RAP1GDS1: variants seen among roughly 807,000 people sequenced by gnomAD.
The protein encoded by RAP1GDS1 is RAP1, GTP-GDP dissociation stimulator 1.
In RAP1GDS1, 35 loss-of-function variants were observed where a neutral mutation model predicts 71.1. The observed-to-expected ratio is 0.49, with a 90% CI of 0.38 to 0.65. The LOEUF (loss-of-function observed/expected upper bound fraction) is 0.65, where lower values mean the gene tolerates loss of function less well. Ranked by LOEUF, RAP1GDS1 falls within the 30% of genes least tolerant of loss-of-function variation. The pLI, the probability that RAP1GDS1 is intolerant of heterozygous loss-of-function variation, is 0.00. For missense variants in RAP1GDS1, 663 were observed against 706.1 expected (o/e 0.94, Z 0.69); for synonymous variants, 229 against 243.1 (o/e 0.94, Z 0.54).
chr4:98,423,839 C>T (rs1433739574), intron 12 of RAP1GDS1, among the ~76,000 whole-genome samples: 1 of 152,156 alleles, frequency 6.6e-6, no homozygotes, highest in Non-Finnish European at 1.5e-5. Context: ...CCACCACACC[C>T]AGCCATTTAG....
At chr4:98,305,968 T>C (rs2110306852) in intron 2 of RAP1GDS1, among the ~76,000 whole-genome samples, 1 of 152,332 alleles carries the variant, frequency 6.6e-6, no homozygotes, top group Non-Finnish European at 1.5e-5. Context: ...GTATTTATAG[T>C]ACCAGTACTG....
rs1335946328 is a variant in RAP1GDS1, at chr4:98,439,129, CA to C, written c.1696+2069del. Among the ~76,000 whole-genome samples, 11 of 151,676 alleles carry C rather than the reference CA, an allele frequency of 7.3e-5. No individual in the cohort carries two copies. In the East Asian group the frequency reaches 1.5e-3, roughly 21 times the overall value. ...ATACTGCTAGCAACAGATTTTTAGC[CA>C]AAAAAAATTTTTTTCATTCATAATG... On this transcript the variant is annotated intron_variant, in intron 14 of 14. Transcript: ENST00000408927.
At chr4:98,402,409 G>C (rs1423013427) in intron 6 of RAP1GDS1, among the ~76,000 whole-genome samples, 1 of 152,056 alleles carries the variant, frequency 6.6e-6, no homozygotes, top group African/African-American at 2.4e-5. Flanking sequence ...GGTGGAGTGT[G>C]CTGACATTTG....
intron 6 of RAP1GDS1, among the ~76,000 whole-genome samples, chr4:98,403,487 G>A (rs1216506530): frequency 3.3e-5 from 5 of 152,050 alleles, no homozygotes; most frequent in Non-Finnish European, 7.4e-5. Flanking sequence ...GAGGAACCCT[G>A]GAGGAGGAAG....
intron 6 of RAP1GDS1, among the ~76,000 whole-genome samples, chr4:98,403,096 C>T (rs967229231): frequency 6.6e-6 from 1 of 152,010 alleles, no homozygotes; most frequent in South Asian, 2.1e-4. Context: ...AGCTTTCTCA[C>T]GACACTGCTG....
At chr4:98,424,622 A>C (rs1749347807) in intron 12 of RAP1GDS1, among the ~76,000 whole-genome samples, 1 of 152,084 alleles carries the variant, frequency 6.6e-6, no homozygotes, top group Non-Finnish European at 1.5e-5. Context: ...TTAGCCAGGC[A>C]TGGTGGCGTG....
At chr4:98,323,336 C>G (rs1187398947) in intron 2 of RAP1GDS1, among the ~76,000 whole-genome samples, 1 of 143,380 alleles carries the variant, frequency 7.0e-6, no homozygotes, top group African/African-American at 2.8e-5. Context: ...CGAATTCTAC[C>G]AGAGGTACAA....
intron 12 of RAP1GDS1, among the ~76,000 whole-genome samples, chr4:98,422,159 C>G (rs1748973293): frequency 6.6e-6 from 1 of 152,060 alleles, no homozygotes; most frequent in Admixed American, 6.5e-5. Flanking sequence ...GAGATTGCAC[C>G]ACTGCACTCC....
intron 1 of RAP1GDS1, among the ~76,000 whole-genome samples, chr4:98,264,389 T>C (rs1722439287): frequency 6.6e-6 from 1 of 151,964 alleles, no homozygotes; most frequent in Admixed American, 6.6e-5. Flanking sequence ...AGAGGGAAAC[T>C]CTGTCTCAAA....
chr4:98,405,874 C>CA (rs1222465406), intron 7 of RAP1GDS1, among the ~76,000 whole-genome samples: 1 of 151,426 alleles, frequency 6.6e-6, no homozygotes, highest in Non-Finnish European at 1.5e-5. Context: ...TTGAATATAT[C>CA]AAAAAAATAA....
At chr4:98,400,447 T>TAA (rs1745216253) in intron 6 of RAP1GDS1, among the ~76,000 whole-genome samples, 1 of 150,852 alleles carries the variant, frequency 6.6e-6, no homozygotes, top group African/African-American at 2.4e-5. Context: ...GACATTATGT[T>TAA]AAGTGAAATA....
rs1286650043 is a variant in RAP1GDS1 at position 98,378,971 on chromosome 4, A to G, written c.362-46A>G. Reference sequence around the variant, plus strand: ...TGTTTTGTATTTGAAATTGTAAGGTACATTTCTTTTTTCTTTTATTTTTAA... The same window carrying G: ...TGTTTTGTATTTGAAATTGTAAGGTGCATTTCTTTTTTCTTTTATTTTTAA... On this transcript the variant is annotated intron_variant, in intron 4 of 14. Coordinates refer to ENST00000408927, the MANE Select transcript of RAP1GDS1 (RefSeq NM_001100427.2). 6 of 1,459,538 alleles carry G rather than the reference A, an allele frequency of 4.1e-6. No individual in the cohort carries two copies. The African/African-American group carries it at 7.4e-5, about 18-fold the overall frequency. The allele number at this position is 1,459,538 out of a possible 1,614,324, so 90.4% of individuals were successfully genotyped here.
intron 2 of RAP1GDS1, among the ~76,000 whole-genome samples, chr4:98,307,839 G>A (rs537922545): frequency 3.1e-4 from 47 of 152,108 alleles, no homozygotes; most frequent in East Asian, 5.8e-4. Context: ...AACTAAAGCC[G>A]ACTTACTGTA....
At chr4:98,401,459 A>G (rs959209507) in intron 6 of RAP1GDS1, among the ~76,000 whole-genome samples, 2 of 152,200 alleles carry the variant, frequency 1.3e-5, no homozygotes, top group African/African-American at 4.8e-5. Context: ...GAAATGCCAA[A>G]TAAACTAGCA....
chr4:98,346,174 A>T (rs1736217774), intron 3 of RAP1GDS1, among the ~76,000 whole-genome samples: 1 of 152,200 alleles, frequency 6.6e-6, no homozygotes, highest in African/African-American at 2.4e-5. Flanking sequence ...GCAGTACAGA[A>T]TCAGTACTTT....
chr4:98,369,428 A>G (rs1447522737), intron 4 of RAP1GDS1, among the ~76,000 whole-genome samples: 1 of 152,228 alleles, frequency 6.6e-6, no homozygotes, highest in African/African-American at 2.4e-5. Flanking sequence ...TCAATGCAGC[A>G]TTATTCACAG....
chr4:98,438,640 T>C (rs762901483), intron 14 of RAP1GDS1, among the ~76,000 whole-genome samples: 130 of 142,960 alleles, frequency 9.1e-4, no homozygotes, highest in Non-Finnish European at 1.5e-3. Context: ...TCACCCAGGC[T>C]GGAGTGCAGT....
At chr4:98,307,134 T>A (rs2110309629) in intron 2 of RAP1GDS1, among the ~76,000 whole-genome samples, 1 of 152,110 alleles carries the variant, frequency 6.6e-6, no homozygotes, top group South Asian at 2.1e-4. Context: ...TTGTATTTTT[T>A]TTTTAGATAA....
intron 2 of RAP1GDS1, among the ~76,000 whole-genome samples, chr4:98,328,709 GTC>G (rs1733512291): frequency 6.6e-6 from 1 of 152,070 alleles, no homozygotes; most frequent in African/African-American, 2.4e-5. Flanking sequence ...TTGAGACAGA[GTC>G]TCTCTCTGTT....
Sources: gnomAD v4.1 joint callset for allele counts (sites outside exome capture counted in the v4.1 genomes callset) on GRCh38, gnomAD v4.1.1 for gene constraint, MANE v1.5 for transcripts, NCBI Gene and HGNC (gene_info 2026-07-23, HGNC 2026-07-21) for gene names.